Variants in VPS13C observed in about 807,000 individuals in gnomAD.
The protein encoded by VPS13C is intermembrane lipid transfer protein VPS13C.
Under a neutral mutation model 456.8 loss-of-function variants are expected in VPS13C, and 358 were observed. The observed-to-expected ratio is 0.78, with a 90% CI of 0.72 to 0.86. VPS13C has a LOEUF of 0.86. VPS13C is among the 40% of genes least tolerant of loss of function. The pLI, the probability that VPS13C is intolerant of heterozygous loss-of-function variation, is 0.00. For synonymous variants in VPS13C, 1,578 were observed against 1,486.7 expected (o/e 1.06, Z -1.41); for missense variants, 4,818 against 4,385.4 (o/e 1.10, Z -2.79).
At chr15:62,013,836 C>T (rs1028204388) in intron 10 of VPS13C, 97 bp downstream of exon 10, 6 of 882,762 alleles carry the variant, frequency 6.8e-6, no homozygotes, top group Non-Finnish European at 1.1e-5. Flanking sequence ...TTTTAACTCA[C>T]ACTCCAATGG....
At chr15:62,046,891 A>G (rs2048421874) in intron 1 of VPS13C, among the ~76,000 whole-genome samples, 1 of 152,116 alleles carries the variant, frequency 6.6e-6, no homozygotes, top group Admixed American at 6.5e-5. Flanking sequence ...AGACAAAAAG[A>G]GATTGTACTT....
chr15:62,004,074 G>A (rs1345780153), intron 15 of VPS13C, among the ~76,000 whole-genome samples: 2 of 151,914 alleles, frequency 1.3e-5, no homozygotes, highest in East Asian at 3.9e-4. Context: ...TCTATTGATT[G>A]GAATAGTTTC....
intron 78 of VPS13C, among the ~76,000 whole-genome samples, chr15:61,872,793 T>C (rs941516478): frequency 6.6e-6 from 1 of 152,112 alleles, no homozygotes; most frequent in Non-Finnish European, 1.5e-5. Context: ...TATAAGAATA[T>C]TCATACATCA....
intron 1 of VPS13C, among the ~76,000 whole-genome samples, chr15:62,052,161 T>C (rs951990113): frequency 1.4e-4 from 21 of 152,180 alleles, no homozygotes; most frequent in African/African-American, 5.1e-4. Flanking sequence ...CCATAATCCA[T>C]GAAACTAGCT....
chr15:61,994,990 T>C (rs1421386907), intron 16 of VPS13C, among the ~76,000 whole-genome samples: 2 of 152,204 alleles, frequency 1.3e-5, no homozygotes, highest in East Asian at 3.9e-4. Context: ...CAAAACCTTC[T>C]CTTGACTCCA....
intron 22 of VPS13C, among the ~76,000 whole-genome samples, chr15:61,979,958 C>T (rs2045824739): frequency 6.6e-6 from 1 of 151,596 alleles, no homozygotes; most frequent in Admixed American, 6.6e-5. Flanking sequence ...CCAAGGTGAG[C>T]GGATCACTTG....
At chr15:61,999,257 T>C (rs1331118309) in intron 16 of VPS13C, among the ~76,000 whole-genome samples, 8 of 152,022 alleles carry the variant, frequency 5.3e-5, no homozygotes, top group East Asian at 1.9e-4. Context: ...CACATGCCTA[T>C]AGTCCCAGAT....
chr15:61,981,627 G>A (rs775032657), intron 21 of VPS13C, 149 bp from the exon 22 acceptor site: 47 of 625,190 alleles, frequency 7.5e-5, no homozygotes, highest in African/African-American at 1.5e-4. Flanking sequence ...TTGGGAGGCC[G>A]AGACAGGCAG....
chr15:61,853,181 T>A lies in VPS13C; in HGVS notation c.*1276A>T, dbSNP rs1893735527. 6.6e-6 allele frequency: 1 copy of A among 152,226 alleles called. No individual in the cohort carries two copies. The highest frequency in any genetic ancestry group is 1.5e-5 in the Non-Finnish European group (1 of 68,018). The allele number at this position is 152,226 out of a possible 1,614,324, so 9.4% of individuals were successfully genotyped here. On this transcript the variant is annotated 3_prime_UTR_variant, in exon 85 of 85. Transcript: ENST00000644861. ...CCTCACAGAACACAGTGTCATTATATATGCCTTATTTATATATAAAACAAC... is the reference window on the plus strand; with the variant it reads ...CCTCACAGAACACAGTGTCATTATAAATGCCTTATTTATATATAAAACAAC...
chr15:61,876,836 T>C, intron 75 of VPS13C, 137 bp downstream of exon 75: 3 of 576,384 alleles, frequency 5.2e-6, no homozygotes, highest in Non-Finnish European at 8.3e-6. Context: ...AATTAATCAT[T>C]GAAGAAAGCC....
chr15:62,029,755 C>T (rs952319119), intron 5 of VPS13C, among the ~76,000 whole-genome samples: 1 of 151,936 alleles, frequency 6.6e-6, no homozygotes, highest in Admixed American at 6.6e-5. Context: ...TTTAAAGGAG[C>T]CTGGAAGCTA....
Position 61,918,201 on chromosome 15 carries a change from C to T in VPS13C, c.7695G>A (p.Lys2565=). 3 of 1,595,514 alleles carry T rather than the reference C, an allele frequency of 1.9e-6. No individual in the cohort carries two copies. Among genetic ancestry groups the T allele is most frequent in the Non-Finnish European group, 2.6e-6 (3 of 1,172,596 alleles). ...TGGCTATCCCAATGCGCTCCAATAG[C>T]TTAACATTCTTAACAAATTTATAGA... ...FIIYKFVKNV[K]LLERIGIARP... The change falls in exon 59 of 85, where the codon AAG becomes AAA. Residue 2565 remains lysine, a synonymous_variant. Transcript: ENST00000644861.
At position 61,977,092 on chromosome 15, in the gene VPS13C, T is replaced by G. The variant is rs774317046; in HGVS notation, c.2398A>C (p.Arg800=). The change falls in exon 24 of 85, where the codon AGA becomes CGA. Residue 800 remains arginine (R), a synonymous_variant. Coordinates refer to ENST00000644861, the MANE Select transcript of VPS13C (RefSeq NM_020821.3). ...AAGTTTATACATTACCTGGCCATTC[T>G]AATGTCTTTTTCTACCATGGCCTTA... ...LAKAMVEKDI[R]MARFKVSGGL... 3 of 1,598,136 alleles carry G rather than the reference T, an allele frequency of 1.9e-6. No individual in the cohort carries two copies. The highest frequency in any genetic ancestry group is 1.3e-5 in the African/African-American group (1 of 74,096).
chr15:62,008,093 G>A (rs762929121), intron 14 of VPS13C, among the ~76,000 whole-genome samples: 3 of 152,198 alleles, frequency 2.0e-5, no homozygotes, highest in East Asian at 1.9e-4. Flanking sequence ...TTAGCCAGGC[G>A]TGGTGGTGGG....
intron 27 of VPS13C, 61 bp downstream of exon 27, chr15:61,972,564 G>A: frequency 1.3e-6 from 2 of 1,566,770 alleles, no homozygotes; most frequent in South Asian, 2.3e-5. Flanking sequence ...TCTAGCTTGA[G>A]GATAGCTTAC....
intron 18 of VPS13C, among the ~76,000 whole-genome samples, chr15:61,986,505 T>A (rs1596429052): frequency 1.3e-5 from 2 of 152,128 alleles, no homozygotes; most frequent in South Asian, 4.1e-4. Flanking sequence ...ACACATGAGA[T>A]ATTATGAAAA....
intron 75 of VPS13C, among the ~76,000 whole-genome samples, chr15:61,876,109 G>C (rs916144269): frequency 6.6e-6 from 1 of 151,916 alleles, no homozygotes; most frequent in South Asian, 2.1e-4. Context: ...AAGTCATTTA[G>C]TATCTAACAG....
intron 47 of VPS13C, among the ~76,000 whole-genome samples, chr15:61,938,407 G>A (rs568990148): frequency 1.3e-5 from 2 of 152,118 alleles, no homozygotes; most frequent in African/African-American, 2.4e-5. Flanking sequence ...CCCAGACCAG[G>A]GAAACAACTT....
At chr15:61,872,773 T>G (rs111822007) in intron 78 of VPS13C, among the ~76,000 whole-genome samples, 4 of 152,146 alleles carry the variant, frequency 2.6e-5, no homozygotes, top group African/African-American at 9.7e-5. Context: ...AACTTTTAAG[T>G]TCTTATAATT....
Sources: gnomAD v4.1 joint callset for allele counts (sites outside exome capture counted in the v4.1 genomes callset) on GRCh38, gnomAD v4.1.1 for gene constraint, MANE v1.5 for transcripts, NCBI Gene and HGNC (gene_info 2026-07-23, HGNC 2026-07-21) for gene names.